ABCA1: variants seen among roughly 807,000 people sequenced by gnomAD.
The protein encoded by ABCA1 is ATP binding cassette subfamily A member 1.
Under a neutral mutation model 262.5 loss-of-function variants are expected in ABCA1, and 133 were observed. The ratio of observed to expected loss-of-function variants is 0.51; its 90% CI spans 0.44 to 0.59. ABCA1 has a LOEUF of 0.59. Ranked by LOEUF, ABCA1 falls within the 20% of genes least tolerant of loss-of-function variation. The probability of loss-of-function intolerance (pLI) is 0.00; values close to 1 mark genes in which losing one functional copy is unlikely to be tolerated. For synonymous variants in ABCA1, 1,022 were observed against 1,043.5 expected (o/e 0.98, Z 0.40); for missense variants, 2,452 against 2,777.5 (o/e 0.88, Z 2.63).
In ABCA1 at chr9:104,918,141, T is replaced by C. The variant is rs536215052; in HGVS notation, c.-93+9794A>G. Among the ~76,000 whole-genome samples, 4 of 128,570 alleles carry C rather than the reference T, an allele frequency of 3.1e-5. No individual in the cohort carries two copies. The East Asian group carries it at 1.3e-3, about 41-fold the overall frequency. 84.3% of individuals were successfully genotyped at this position (128,570 alleles called of 152,430 possible). ...CTGTGTTCCATCACCCACGGTCTGG[T>C]TGATGGGTAAAATTTCAGTAGGTGA... On this transcript the variant is annotated intron_variant, in intron 1 of 49. Coordinates refer to ENST00000374736, the MANE Select transcript of ABCA1 (RefSeq NM_005502.4).
Position 104,817,537 on chromosome 9 carries a change from T to G in ABCA1, c.3463-133A>C. On this transcript the variant is annotated intron_variant, in intron 23 of 49. Coordinates refer to ENST00000374736, the MANE Select transcript of ABCA1 (RefSeq NM_005502.4). The surrounding 1 kb of genome is among the most constrained non-coding windows in gnomAD (Gnocchi z 4.7). ...AGGAAAAAGCTTTCCCTGGGACACA[T>G]GCACTGGCAGCCGTGGCTTCAGAGG... is the stretch of plus-strand genomic sequence containing the variant. 4 of 949,240 alleles carry G rather than the reference T, an allele frequency of 4.2e-6. No homozygotes were observed. The highest frequency in any genetic ancestry group is 2.8e-5 in the South Asian group (2 of 72,088). 58.8% of individuals were successfully genotyped at this position (949,240 alleles called of 1,614,324 possible).
chr9:104,796,267 G>A (rs781584954), intron 38 of ABCA1, 42 bp downstream of exon 38: 21 of 1,613,720 alleles, frequency 1.3e-5, no homozygotes, highest in Non-Finnish European at 1.8e-5. Flanking sequence ...GGCACCAAAT[G>A]CCTTATCCAC....
At position 104,806,381 on chromosome 9, in the gene ABCA1, G is replaced by T. The variant is rs757802013; in HGVS notation, c.4324C>A (p.Pro1442Thr). 1 of 1,614,184 alleles carries T rather than the reference G, an allele frequency of 6.2e-7. No homozygotes were observed. The highest frequency in any genetic ancestry group is 8.5e-7 in the Non-Finnish European group (1 of 1,180,036). The change falls in exon 31 of 50, where the codon CCC becomes ACC. Residue 1442 changes from proline to threonine, a missense_variant. Pro to Thr is a conservative substitution (Grantham distance 38). Coordinates refer to ENST00000374736, the MANE Select transcript of ABCA1 (RefSeq NM_005502.4). ...TGGAAGAGGTCCATGATGGTCTGGGGAACTGGGGCAGTGGTCCACTCTTCC... is the reference window on the plus strand; with the variant it reads ...TGGAAGAGGTCCATGATGGTCTGGGTAACTGGGGCAGTGGTCCACTCTTCC... ...GEEEWTTAPV[P>T]QTIMDLFQNG...
At position 104,832,448 on chromosome 9, in the gene ABCA1, G is replaced by C. The variant is rs112073781; in HGVS notation, c.1509+126C>G. On this transcript the variant is annotated intron_variant, in intron 12 of 49. Transcript: ENST00000374736. ...TGTTATCAAATCCTGTGTTAGGCTT[G>C]AGGGATAGTTTTGTAAATGAGACTA... 4 of 1,035,184 alleles carry C rather than the reference G, an allele frequency of 3.9e-6. No individual in the cohort carries two copies. In the African/African-American group the frequency reaches 4.7e-5, roughly 12 times the overall value. 64.1% of individuals were successfully genotyped at this position (1,035,184 alleles called of 1,614,324 possible). A position where few individuals can be genotyped will look rare whatever the true frequency, so the allele number is the denominator to read the frequency against.
chr9:104,817,021 C>A lies in ABCA1; in HGVS notation c.3535+311G>T, dbSNP rs1831836835. On this transcript the variant is annotated intron_variant, in intron 24 of 49. Transcript: ENST00000374736. This position sits in a 1 kb window ranked among gnomAD's most constrained non-coding sequence, Gnocchi z 4.7. ...ATGTACTAAGCTCAAATCCCACCCT[C>A]CTGGCTTGGCCCTCAGCTCCTCATC... Among the ~76,000 whole-genome samples the A allele has an allele frequency of 6.6e-6, 1 of 152,180 alleles. No individual in the cohort carries two copies. The highest frequency in any genetic ancestry group is 1.5e-5 in the Non-Finnish European group (1 of 68,042).
At chr9:104,794,205 G>C (rs1466184735) in intron 40 of ABCA1, among the ~76,000 whole-genome samples, 182 bp downstream of exon 40, 1 of 152,172 alleles carries the variant, frequency 6.6e-6, no homozygotes, top group Non-Finnish European at 1.5e-5. Context: ...CAGACAAATG[G>C]TTGTGTCACA....
intron 1 of ABCA1, among the ~76,000 whole-genome samples, chr9:104,926,740 C>G (rs570507436): frequency 6.6e-6 from 1 of 152,300 alleles, no homozygotes; most frequent in East Asian, 1.9e-4. Context: ...CGGGGTTACT[C>G]CCGGTCATTC....
intron 18 of ABCA1, among the ~76,000 whole-genome samples, chr9:104,823,499 T>C (rs1832556591): frequency 6.6e-6 from 1 of 152,224 alleles, no homozygotes. Flanking sequence ...GTATTACTTC[T>C]TGTGAGTCTG....
intron 5 of ABCA1, among the ~76,000 whole-genome samples, chr9:104,862,855 G>T (rs1443625954): frequency 6.7e-6 from 1 of 149,370 alleles, no homozygotes; most frequent in Non-Finnish European, 1.5e-5. Context: ...AACACTGGCA[G>T]AGTGCATTAC....
intron 2 of ABCA1, among the ~76,000 whole-genome samples, chr9:104,901,816 T>C (rs1048997493): frequency 1.3e-5 from 2 of 152,152 alleles, no homozygotes; most frequent in Non-Finnish European, 2.9e-5. Context: ...TTAACCTCTC[T>C]GAGTAGCACG....
At chr9:104,785,277 T>A (rs1369930973) in intron 49 of ABCA1, 119 bp downstream of exon 49, 2 of 1,336,502 alleles carry the variant, frequency 1.5e-6, no homozygotes, top group Non-Finnish European at 2.1e-6. Flanking sequence ...CTAGGAATAG[T>A]AGATCAGGAA....
chr9:104,854,610 T>A (rs1307814806), intron 7 of ABCA1, among the ~76,000 whole-genome samples: 1 of 152,150 alleles, frequency 6.6e-6, no homozygotes, highest in African/African-American at 2.4e-5. Flanking sequence ...AGGTACATGC[T>A]GCTTTAGGAA....
In ABCA1 at chr9:104,820,060, G is replaced by C; in HGVS notation, c.2970C>G (p.Val990=). ...QHNVLFDMLT[V]EEHIWFYARL... ...GGGCATAGAACCAGATGTGTTCTTC[G>C]ACAGTCAGCCTGGGGACAGGGAGGC... Residue 990 remains valine (V), a synonymous_variant, in exon 21 of 50, where the codon GTC becomes GTG. Coordinates refer to ENST00000374736, the MANE Select transcript of ABCA1 (RefSeq NM_005502.4). 1 of 1,614,080 alleles carries C rather than the reference G, an allele frequency of 6.2e-7. No homozygotes were observed. The highest frequency in any genetic ancestry group is 2.2e-5 in the East Asian group (1 of 44,878).
intron 5 of ABCA1, among the ~76,000 whole-genome samples, chr9:104,866,702 G>C (rs1837125291): frequency 6.6e-6 from 1 of 152,140 alleles, no homozygotes; most frequent in Admixed American, 6.5e-5. Context: ...TGGCCAGGCT[G>C]GTCTTGAACT....
At chr9:104,874,857 C>T (rs1428489321) in intron 5 of ABCA1, among the ~76,000 whole-genome samples, 2 of 139,980 alleles carry the variant, frequency 1.4e-5, no homozygotes, top group African/African-American at 3.2e-5. Flanking sequence ...GCCACCCCGT[C>T]CGGGAGGGAG....
chr9:104,832,426 T>C (rs143954955), intron 12 of ABCA1, 148 bp downstream of exon 12: 19 of 862,614 alleles, frequency 2.2e-5, no homozygotes, highest in Non-Finnish European at 3.4e-5. Flanking sequence ...TGCCTTTTGT[T>C]ATCAAATCCT....
Position 104,928,113 on chromosome 9 carries a change from G to A in ABCA1, c.-271C>T, listed in dbSNP as rs1210707619. 6.6e-6 allele frequency: 1 copy of A among 152,252 alleles called. No individual in the cohort carries two copies. Among genetic ancestry groups the A allele is most frequent in the Non-Finnish European group, 1.5e-5 (1 of 68,104 alleles). 9.4% of individuals were successfully genotyped at this position (152,252 alleles called of 1,614,324 possible). On this transcript the variant is annotated 5_prime_UTR_variant, in exon 1 of 50. Transcript: ENST00000374736. ...CAGCCCGGGAGAGAAGGGTCGGCTCGGCTCTGCGGGTCCCGGCCCCACTCA... is the reference window on the plus strand; with the variant it reads ...CAGCCCGGGAGAGAAGGGTCGGCTCAGCTCTGCGGGTCCCGGCCCCACTCA...
chr9:104,921,700 G>A (rs974855392), intron 1 of ABCA1, among the ~76,000 whole-genome samples: 1 of 152,154 alleles, frequency 6.6e-6, no homozygotes, highest in Non-Finnish European at 1.5e-5. Flanking sequence ...TCTTTTAGAA[G>A]ACAGGAAGCA....
chr9:104,830,893 T>C (rs200069467), intron 14 of ABCA1, 32 bp downstream of exon 14: 3 of 1,612,540 alleles, frequency 1.9e-6, no homozygotes, highest in Non-Finnish European at 2.5e-6. Context: ...CAGTATAAAC[T>C]GGTTAAAAAC....
Sources: gnomAD v4.1 joint callset for allele counts (sites outside exome capture counted in the v4.1 genomes callset) on GRCh38, gnomAD v4.1.1 for gene constraint, Gnocchi (gnomAD v3.1) non-coding constraint, MANE v1.5 for transcripts, NCBI Gene and HGNC (gene_info 2026-07-23, HGNC 2026-07-21) for gene names.